Variants in UNC13C observed in about 807,000 individuals in gnomAD.
The protein encoded by UNC13C is unc-13 homolog C, also known as protein unc-13 homolog C.
A neutral mutation model predicts 245.4 loss-of-function variants in UNC13C; 174 were observed. That is an observed-to-expected ratio of 0.71 (90% confidence interval 0.63 to 0.80). The LOEUF is 0.80. Among genes scored for constraint, UNC13C ranks in the 30% least tolerant of loss-of-function variants. The pLI, the probability that UNC13C is intolerant of heterozygous loss-of-function variation, is 0.00. For missense variants in UNC13C, 2,829 were observed against 2,602.9 expected (o/e 1.09, Z -1.89); for synonymous variants, 992 against 895.1 (o/e 1.11, Z -1.93).
At chr15:54,617,365 G>T (rs1900509110) in intron 30 of UNC13C, among the ~76,000 whole-genome samples, 2 of 152,030 alleles carry the variant, frequency 1.3e-5, no homozygotes, top group South Asian at 4.1e-4. Flanking sequence ...AAGTGGAGGG[G>T]CAGGGAGGAG....
At chr15:53,928,027 C>G in the UNC13C span, among the ~76,000 whole-genome samples, 1 of 152,068 alleles carries the variant, frequency 6.6e-6, no homozygotes. Flanking sequence ...GGATAAAGGA[C>G]GTCTACATGT....
chr15:54,612,496 T>C (rs993882601), intron 30 of UNC13C, among the ~76,000 whole-genome samples: 1 of 152,016 alleles, frequency 6.6e-6, no homozygotes, highest in African/African-American at 2.4e-5. Flanking sequence ...TGTTTTTAAG[T>C]TTGTGATTTG....
At chr15:54,506,409 G>T (rs546465153) in intron 22 of UNC13C, among the ~76,000 whole-genome samples, 319 of 152,150 alleles carry the variant, frequency 2.1e-3, no homozygotes, top group Non-Finnish European at 3.6e-3. Flanking sequence ...AGATAATTCA[G>T]TCTGATCAGT....
At chr15:53,957,742 G>A in the UNC13C span, among the ~76,000 whole-genome samples, 2 of 152,106 alleles carry the variant, frequency 1.3e-5, no homozygotes, top group Admixed American at 6.6e-5. Context: ...AAAGAGAGGA[G>A]TTTGGCCTTA....
intron 17 of UNC13C, among the ~76,000 whole-genome samples, chr15:54,339,637 G>T (rs2038679315): frequency 1.6e-5 from 1 of 62,968 alleles, no homozygotes; most frequent in South Asian, 6.5e-4. Flanking sequence ...TCCATTATGT[G>T]GAGATATATA....
intron 2 of UNC13C, chr15:54,050,768 A>G (rs1897241178): frequency 1.9e-5 from 11 of 584,370 alleles, no homozygotes; most frequent in South Asian, 9.6e-5. Context: ...CCTCTTCACT[A>G]TCTGGTGATC....
intron 19 of UNC13C, among the ~76,000 whole-genome samples, chr15:54,453,806 T>A (rs902734373): frequency 6.6e-6 from 1 of 152,220 alleles, no homozygotes; most frequent in African/African-American, 2.4e-5. Context: ...TATAGTATAT[T>A]ATTTTTAATG....
chr15:53,865,878 AC>A, the UNC13C span, among the ~76,000 whole-genome samples: 7 of 152,310 alleles, frequency 4.6e-5, no homozygotes, highest in Non-Finnish European at 8.8e-5. Context: ...ATATTCACAT[AC>A]AAAAAATTGA....
chr15:54,318,345 A>G (rs1312015731), intron 13 of UNC13C, among the ~76,000 whole-genome samples: 7 of 151,890 alleles, frequency 4.6e-5, no homozygotes, highest in Admixed American at 3.9e-4. Flanking sequence ...TCCCACCAAC[A>G]GTATACAGGG....
chr15:54,573,658 G>A (rs113950010), intron 30 of UNC13C, among the ~76,000 whole-genome samples: 7 of 152,320 alleles, frequency 4.6e-5, no homozygotes, highest in African/African-American at 1.7e-4. Context: ...CTAATATGGT[G>A]CTTCTCAAGT....
intron 30 of UNC13C, among the ~76,000 whole-genome samples, chr15:54,579,051 G>A (rs912594070): frequency 2.6e-5 from 4 of 152,194 alleles, no homozygotes; most frequent in African/African-American, 9.7e-5. Flanking sequence ...GGTGAGACAT[G>A]GCATGGGGCT....
In UNC13C at chr15:54,229,021, A is replaced by T. The variant is rs573651493; in HGVS notation, c.3072-6009A>T. 2.0e-3 allele frequency among the ~76,000 whole-genome samples: 299 copies of T among 152,288 alleles called. 1 individual carries two copies. Among genetic ancestry groups the T allele is most frequent in the African/African-American group, 6.6e-3 (275 of 41,568 alleles). ...GAGGCTTGTCAGAACTCAGGATCCA[A>T]CTGCTGGGATGGGCTAGTCCCCACT... On this transcript the variant is annotated intron_variant, in intron 4 of 32. Coordinates refer to ENST00000260323, the MANE Select transcript of UNC13C (RefSeq NM_001080534.3).
rs899463160 is a variant in UNC13C at position 54,598,707 on chromosome 15, C to T, written c.6107-23620C>T. 2.0e-5 allele frequency among the ~76,000 whole-genome samples: 3 copies of T among 152,146 alleles called. No homozygotes were observed. The East Asian group carries it at 5.8e-4, about 29-fold the overall frequency. The stretch of plus-strand genomic sequence containing the variant: ...ACTTTTACTAAGCATTCTCAATTTT[C>T]CCTCTTTTTAAAAGAAAAATTGGCT... On this transcript the variant is annotated intron_variant, in intron 30 of 32. Coordinates refer to ENST00000260323, the MANE Select transcript of UNC13C (RefSeq NM_001080534.3).
At chr15:54,475,484 A>C (rs1892687439) in intron 19 of UNC13C, among the ~76,000 whole-genome samples, 1 of 150,754 alleles carries the variant, frequency 6.6e-6, no homozygotes, top group East Asian at 2.0e-4. Context: ...CAGTCCCCAG[A>C]CTGTGATGTT....
intron 28 of UNC13C, among the ~76,000 whole-genome samples, chr15:54,552,194 C>G (rs1896766333): frequency 7.1e-6 from 1 of 140,610 alleles, no homozygotes; most frequent in South Asian, 2.1e-4. Flanking sequence ...TTGACATTTT[C>G]TATTACTTCA....
intron 4 of UNC13C, among the ~76,000 whole-genome samples, chr15:54,145,617 C>A (rs766980627): frequency 1.3e-5 from 2 of 152,100 alleles, no homozygotes; most frequent in African/African-American, 2.4e-5. Flanking sequence ...AGTTGACCAG[C>A]AATAATAATT....
chr15:54,167,283 A>C (rs538279906), intron 4 of UNC13C, among the ~76,000 whole-genome samples: 14 of 152,156 alleles, frequency 9.2e-5, no homozygotes, highest in African/African-American at 3.4e-4. Context: ...CAGGCGGATC[A>C]CGAGGTCAGG....
intron 4 of UNC13C, among the ~76,000 whole-genome samples, chr15:54,160,785 A>AT (rs1289104706): frequency 1.3e-5 from 2 of 152,178 alleles, no homozygotes; most frequent in African/African-American, 2.4e-5. Flanking sequence ...GAAAGCAAAT[A>AT]TTTTTTACAT....
At chr15:54,094,933 C>A (rs1899772969) in intron 2 of UNC13C, among the ~76,000 whole-genome samples, 2 of 152,170 alleles carry the variant, frequency 1.3e-5, no homozygotes, top group South Asian at 4.1e-4. Context: ...TCTCCCTTAT[C>A]CCTGAGGTAT....
Sources: gnomAD v4.1 joint callset for allele counts (sites outside exome capture counted in the v4.1 genomes callset) on GRCh38, gnomAD v4.1.1 for gene constraint, MANE v1.5 for transcripts, NCBI Gene and HGNC (gene_info 2026-07-23, HGNC 2026-07-21) for gene names.